FAM135A: variants seen among roughly 807,000 people sequenced by gnomAD.
FAM135A encodes the protein family with sequence similarity 135 member A.
A neutral mutation model predicts 146.8 loss-of-function variants in FAM135A; 79 were observed. The ratio of observed to expected loss-of-function variants is 0.54; its 90% CI spans 0.45 to 0.65. The LOEUF is 0.65. FAM135A is among the 30% of genes least tolerant of loss of function. The probability of loss-of-function intolerance (pLI) is 0.00; values close to 1 mark genes in which losing one functional copy is unlikely to be tolerated. For synonymous variants in FAM135A, 562 were observed against 603.6 expected (o/e 0.93, Z 1.01); for missense variants, 1,623 against 1,758.2 (o/e 0.92, Z 1.38).
At chr6:70,517,309 TCACTTGAGCCCAGGAGTTCCAGAC>T (rs777272222) in intron 12 of FAM135A, among the ~76,000 whole-genome samples, 15 of 151,968 alleles carry the variant, frequency 9.9e-5, no homozygotes, top group Admixed American at 5.9e-4. Context: ...GGTGAGTGGA[TCACTTGAGCCCAGGAGTTCCAGAC>T]CAGCCTGGGC....
At chr6:70,418,180 G>C (rs1767960639) in intron 2 of FAM135A, among the ~76,000 whole-genome samples, 1 of 152,082 alleles carries the variant, frequency 6.6e-6, no homozygotes, top group Non-Finnish European at 1.5e-5. Flanking sequence ...GCTCACCTTT[G>C]CTGTGAATCA....
intron 4 of FAM135A, among the ~76,000 whole-genome samples, chr6:70,439,175 A>T (rs1305155040): frequency 6.6e-6 from 1 of 152,100 alleles, no homozygotes; most frequent in East Asian, 1.9e-4. Flanking sequence ...AAAAAAATTG[A>T]TGGAAAAGCT....
chr6:70,452,665 ATGGT>A lies in FAM135A; in HGVS notation c.157+95_157+98del, dbSNP rs1777386885. ...TCATTACAGATATAAGATACCTGTA[ATGGT>A]ATAACATCATTATGATAACCATTGT... is the stretch of plus-strand genomic sequence containing the variant. On this transcript the variant is annotated intron_variant, in intron 5 of 21. Coordinates refer to ENST00000418814, the MANE Select transcript of FAM135A (RefSeq NM_001162529.3). 26 of 759,276 alleles carry A rather than the reference ATGGT, an allele frequency of 3.4e-5. No individual in the cohort carries two copies. The African/African-American group carries it at 3.5e-4, about 10-fold the overall frequency. 47.0% of individuals were successfully genotyped at this position (759,276 alleles called of 1,614,324 possible).
chr6:70,531,945 C>T (rs1321238670), intron 16 of FAM135A, among the ~76,000 whole-genome samples: 4 of 139,800 alleles, frequency 2.9e-5, no homozygotes, highest in South Asian at 2.3e-4. Flanking sequence ...AGCAGTGGCA[C>T]GATCTCGGCT....
intron 2 of FAM135A, among the ~76,000 whole-genome samples, chr6:70,418,777 T>C (rs1768102971): frequency 6.6e-6 from 1 of 152,200 alleles, no homozygotes; most frequent in Admixed American, 6.5e-5. Context: ...ACTCAGATAG[T>C]CGGGCTGAAC....
At chr6:70,489,025 A>G (rs971150907) in intron 10 of FAM135A, among the ~76,000 whole-genome samples, 1 of 152,224 alleles carries the variant, frequency 6.6e-6, no homozygotes, top group African/African-American at 2.4e-5. Context: ...AGTAGCTCTC[A>G]GTAGCTATAA....
chr6:70,532,683 A>T (rs1484284726), intron 16 of FAM135A, among the ~76,000 whole-genome samples: 1 of 152,248 alleles, frequency 6.6e-6, no homozygotes. Context: ...CTATAATCCC[A>T]GCACTTTGGG....
chr6:70,467,352 A>ACC (rs913963023), intron 5 of FAM135A, among the ~76,000 whole-genome samples: 4 of 151,508 alleles, frequency 2.6e-5, no homozygotes, highest in African/African-American at 9.7e-5. Context: ...CTTCTATGTG[A>ACC]CCTTTTTCCC....
At chr6:70,418,986 G>C (rs1768163943) in intron 2 of FAM135A, among the ~76,000 whole-genome samples, 1 of 152,192 alleles carries the variant, frequency 6.6e-6, no homozygotes, top group South Asian at 2.1e-4. Context: ...TAGGTGACTG[G>C]GATTTAGGAA....
At chr6:70,491,167 T>A in intron 11 of FAM135A, 84 bp downstream of exon 11, 1 of 1,147,062 alleles carries the variant, frequency 8.7e-7, no homozygotes, top group Non-Finnish European at 1.3e-6. Flanking sequence ...TATGAAAACT[T>A]AAAGTATTTA....
intron 2 of FAM135A, among the ~76,000 whole-genome samples, chr6:70,419,604 A>G (rs1768326402): frequency 6.6e-6 from 1 of 152,200 alleles, no homozygotes; most frequent in Non-Finnish European, 1.5e-5. Context: ...CTTGAATTTA[A>G]TTAAATAGTA....
chr6:70,481,884 G>T, intron 9 of FAM135A, 117 bp from the exon 10 acceptor site: 3 of 950,050 alleles, frequency 3.2e-6, no homozygotes, highest in Non-Finnish European at 3.0e-6. Context: ...TTTTTTATAT[G>T]TATTAGAATA....
At chr6:70,433,013 A>C (rs1391299842) in intron 4 of FAM135A, among the ~76,000 whole-genome samples, 2 of 152,088 alleles carry the variant, frequency 1.3e-5, no homozygotes, top group African/African-American at 4.8e-5. Context: ...AAGTTACAAA[A>C]ATAAGTTTTT....
At chr6:70,461,272 T>C (rs1472145948) in intron 5 of FAM135A, among the ~76,000 whole-genome samples, 1 of 152,212 alleles carries the variant, frequency 6.6e-6, no homozygotes, top group East Asian at 1.9e-4. Flanking sequence ...GAGCTTCAGT[T>C]TCTCCTCTGT....
intron 20 of FAM135A, among the ~76,000 whole-genome samples, chr6:70,542,278 C>CACACACACA (rs1424633787): frequency 6.6e-5 from 7 of 106,746 alleles, no homozygotes; most frequent in African/African-American, 2.6e-4. Flanking sequence ...ACACACACAC[C>CACACACACA]CTTTGCTGTG....
chr6:70,481,168 ATTGT>A (rs1783634100), intron 9 of FAM135A, 141 bp downstream of exon 9: 5 of 814,252 alleles, frequency 6.1e-6, no homozygotes, highest in East Asian at 6.4e-5. Context: ...GATCTTAAAA[ATTGT>A]TTGGTTCTAA....
chr6:70,541,317 C>T (rs1562011027), intron 20 of FAM135A, among the ~76,000 whole-genome samples: 1 of 152,044 alleles, frequency 6.6e-6, no homozygotes, highest in East Asian at 1.9e-4. Flanking sequence ...TTTATTACTC[C>T]CCCCTTTTTT....
chr6:70,508,743 A>G (rs1790348481), intron 12 of FAM135A, among the ~76,000 whole-genome samples: 1 of 152,222 alleles, frequency 6.6e-6, no homozygotes, highest in African/African-American at 2.4e-5. Context: ...CTGAAGCCAA[A>G]TACATAGGGT....
intron 18 of FAM135A, 91 bp from the exon 19 acceptor site, chr6:70,536,169 A>G (rs1796755220): frequency 8.3e-7 from 1 of 1,203,826 alleles, no homozygotes; most frequent in African/African-American, 1.6e-5. Flanking sequence ...TCAAATTGTT[A>G]GTATTCACAT....
Sources: gnomAD v4.1 joint callset for allele counts (sites outside exome capture counted in the v4.1 genomes callset) on GRCh38, gnomAD v4.1.1 for gene constraint, MANE v1.5 for transcripts, NCBI Gene and HGNC (gene_info 2026-07-23, HGNC 2026-07-21) for gene names.